Variants in CCDC18 observed in about 807,000 individuals in gnomAD.
The protein encoded by CCDC18 is coiled-coil domain-containing protein 18.
In CCDC18, 157 loss-of-function variants were observed where a neutral mutation model predicts 196.0. The observed-to-expected ratio is 0.80, with a 90% CI of 0.70 to 0.91. The LOEUF is 0.91. Ranked by LOEUF, CCDC18 falls within the 40% of genes least tolerant of loss-of-function variation. CCDC18 has a pLI of 0.00. For missense variants in CCDC18, 1,465 were observed against 1,611.6 expected (o/e 0.91, Z 1.56); for synonymous variants, 482 against 529.2 (o/e 0.91, Z 1.22).
Position 93,210,862 on chromosome 1 carries a change from T to C in CCDC18, c.1270T>C (p.Ser424Pro), listed in dbSNP as rs1655501633. The C allele has an allele frequency of 1.9e-6, 3 of 1,613,262 alleles. No individual in the cohort carries two copies. The highest frequency in any genetic ancestry group is 2.5e-6 in the Non-Finnish European group (3 of 1,179,238). The change falls in exon 10 of 29, where the codon TCA becomes CCA. Residue 424 changes from serine to proline, a missense_variant. Physicochemically the swap from Ser to Pro is moderately conservative, Grantham distance 74. Transcript: ENST00000690025. ...TTCTAAATACCAGATGAGTAGCTTC[T>C]CAAACAAGGAAGACCGTTGCATTGG... ...YLSKYQMSSF[S>P]NKEDRCIGCC...
At chr1:93,186,927 TTAAA>T (rs1276756343) in intron 4 of CCDC18, among the ~76,000 whole-genome samples, 2 of 152,050 alleles carry the variant, frequency 1.3e-5, no homozygotes, top group Non-Finnish European at 2.9e-5. Flanking sequence ...CCAGACTGTT[TTAAA>T]TAGTTTTGGT....
At chr1:93,180,322 T>A (rs2101215247), upstream of CCDC18, 3 of 1,456,692 alleles carry the variant, frequency 2.1e-6, no homozygotes, top group East Asian at 7.7e-5. Context: ...GGACTCCTCG[T>A]GGTTGACAGG....
intron 28 of CCDC18, among the ~76,000 whole-genome samples, chr1:93,277,808 G>A (rs2101598350): frequency 6.6e-6 from 1 of 151,178 alleles, no homozygotes; most frequent in African/African-American, 2.4e-5. Context: ...CTTTTTCATT[G>A]ATTTTTTCAT....
chr1:93,197,950 T>A (rs1050218985), intron 6 of CCDC18, among the ~76,000 whole-genome samples: 42 of 151,798 alleles, frequency 2.8e-4, no homozygotes, highest in African/African-American at 4.1e-4. Context: ...ACGGGGTTTC[T>A]CCATGTTAGC....
intron 8 of CCDC18, among the ~76,000 whole-genome samples, chr1:93,206,884 C>T (rs769741447): frequency 2.0e-5 from 3 of 151,988 alleles, no homozygotes; most frequent in Admixed American, 6.5e-5. Flanking sequence ...GTTATATAAC[C>T]TTTTTGTGCC....
intron 18 of CCDC18, 152 bp downstream of exon 18, chr1:93,232,745 C>T (rs1319131995): frequency 2.8e-5 from 16 of 576,634 alleles, no homozygotes; most frequent in Admixed American, 3.4e-5. Context: ...CTGAGGCAGG[C>T]GGATCACCTG....
At chr1:93,268,451 C>T (rs1174196607) in intron 27 of CCDC18, among the ~76,000 whole-genome samples, 1 of 152,110 alleles carries the variant, frequency 6.6e-6, no homozygotes, top group Non-Finnish European at 1.5e-5. Context: ...AATTAAAGAG[C>T]TTCTGCACAG....
intron 14 of CCDC18, among the ~76,000 whole-genome samples, chr1:93,220,115 A>C (rs957487963): frequency 2.0e-5 from 3 of 152,192 alleles, no homozygotes; most frequent in Non-Finnish European, 4.4e-5. Context: ...GCCAAAAACT[A>C]AAACAAAAAA....
At chr1:93,228,644 T>G (rs1473895738) in intron 17 of CCDC18, among the ~76,000 whole-genome samples, 12 of 151,494 alleles carry the variant, frequency 7.9e-5, no homozygotes, top group Non-Finnish European at 1.3e-4. Flanking sequence ...TCATCTAAAC[T>G]GTATGTACTT....
intron 7 of CCDC18, 53 bp downstream of exon 7, chr1:93,202,041 C>T: frequency 2.0e-6 from 2 of 993,184 alleles, no homozygotes; most frequent in African/African-American, 1.6e-5. Flanking sequence ...TATATTCCAA[C>T]AGTAAAGGTA....
chr1:93,248,867 G>GTCC (rs200631856), intron 23 of CCDC18, among the ~76,000 whole-genome samples: 4,232 of 151,714 alleles, frequency 0.028, 188 homozygotes, highest in African/African-American at 0.097. Context: ...CAGCTATTAA[G>GTCC]GAGGCTGAGG....
At chr1:93,196,169 A>G (rs951183836) in intron 6 of CCDC18, among the ~76,000 whole-genome samples, 2 of 152,104 alleles carry the variant, frequency 1.3e-5, no homozygotes, top group African/African-American at 2.4e-5. Context: ...CAAAAAATAT[A>G]AAAATTAGCC....
Position 93,216,715 on chromosome 1 carries a change from C to A in CCDC18, c.1799C>A (p.Ala600Glu). The A allele has an allele frequency of 1.9e-6, 3 of 1,581,266 alleles. No individual in the cohort carries two copies. Among genetic ancestry groups the A allele is most frequent in the Non-Finnish European group, 2.6e-6 (3 of 1,164,566 alleles). Reference sequence around the variant, plus strand: ...ATAGTTGCTTATTCCTCTATTGCTGCAAAAAATGCAGAACTAGAACAGGAG... The same window carrying A: ...ATAGTTGCTTATTCCTCTATTGCTGAAAAAAATGCAGAACTAGAACAGGAG... ...EKIVAYSSIA[A>E]KNAELEQELM... Residue 600 changes from alanine to glutamate, a missense_variant, in exon 13 of 29, where the codon GCA becomes GAA. Ala to Glu is a moderately radical substitution (Grantham distance 107). Coordinates refer to ENST00000690025, the MANE Select transcript of CCDC18 (RefSeq NM_001378204.1).
Position 93,264,878 on chromosome 1 carries a change from G to A in CCDC18, c.3862G>A (p.Ala1288Thr), listed in dbSNP as rs368856457. 62 of 1,609,464 alleles carry A rather than the reference G, an allele frequency of 3.9e-5. No homozygotes were observed. The highest frequency in any genetic ancestry group is 5.0e-5 in the Non-Finnish European group (59 of 1,176,124). The change falls in exon 27 of 29, where the codon GCA (alanine) becomes ACA (threonine). Residue 1288 changes from alanine (A) to threonine (T), a missense_variant. Transcript: ENST00000690025. ...VQDRNEVIEA[A>T]NEALLTKESE... ...AGATAGGAATGAAGTAATTGAAGCT[G>A]CAAATGAAGCATTACTTACTAAAGT...
chr1:93,206,160 T>G (rs1159623557), intron 8 of CCDC18, among the ~76,000 whole-genome samples: 1 of 152,012 alleles, frequency 6.6e-6, no homozygotes, highest in Non-Finnish European at 1.5e-5. Flanking sequence ...TAACCAGTCT[T>G]TATCACTTCA....
At chr1:93,258,964 C>A in intron 26 of CCDC18, 79 bp downstream of exon 26, 1 of 1,166,864 alleles carries the variant, frequency 8.6e-7, no homozygotes, top group African/African-American at 1.6e-5. Context: ...GAGTCCAGCT[C>A]TTAAGTGTTC....
At chr1:93,229,859 T>G (rs1166662731) in intron 17 of CCDC18, among the ~76,000 whole-genome samples, 1 of 152,150 alleles carries the variant, frequency 6.6e-6, no homozygotes, top group African/African-American at 2.4e-5. Flanking sequence ...TAAAAGAAAC[T>G]CAATACAAAG....
intron 8 of CCDC18, 44 bp downstream of exon 8, chr1:93,205,675 G>A (rs1557623795): frequency 6.6e-7 from 1 of 1,507,320 alleles, no homozygotes. Flanking sequence ...TGTGGACATG[G>A]AAAAAACTGA....
intron 18 of CCDC18, 55 bp from the exon 19 acceptor site, chr1:93,236,193 T>A: frequency 7.1e-7 from 1 of 1,417,768 alleles, no homozygotes; most frequent in Non-Finnish European, 9.6e-7. Context: ...GTTACATATT[T>A]ATAAAAGTAT....
Sources: gnomAD v4.1 joint callset for allele counts (sites outside exome capture counted in the v4.1 genomes callset) on GRCh38, gnomAD v4.1.1 for gene constraint, MANE v1.5 for transcripts, NCBI Gene and HGNC (gene_info 2026-07-23, HGNC 2026-07-21) for gene names.